Variants in ACIN1 observed in about 807,000 individuals in gnomAD.
ACIN1 encodes apoptotic chromatin condensation inducer 1, also known as apoptotic chromatin condensation inducer in the nucleus.
ACIN1 carries 16 observed loss-of-function variants against 146.6 expected under a neutral mutation model. The ratio of observed to expected loss-of-function variants is 0.11; its 90% CI spans 0.07 to 0.17. The LOEUF is 0.17. Ranked by LOEUF, ACIN1 falls within the 10% of genes least tolerant of loss-of-function variation. The pLI is 1.00. For missense variants in ACIN1, 1,357 were observed against 1,609.3 expected (o/e 0.84, Z 2.68); for synonymous variants, 569 against 582.7 (o/e 0.98, Z 0.34).
chr14:23,094,835 C>G (rs962542836), intron 1 of ACIN1, 140 bp downstream of exon 1: 121 of 1,269,316 alleles, frequency 9.5e-5, no homozygotes, highest in Non-Finnish European at 1.2e-4. Context: ...CATCAACCAC[C>G]GTGCGCGCGG....
Position 23,081,890 on chromosome 14 carries a change from G to A in ACIN1, c.437-54C>T, listed in dbSNP as rs1206143684. 4 of 1,434,720 alleles carry A rather than the reference G, an allele frequency of 2.8e-6. No individual in the cohort carries two copies. In the Admixed American group the frequency reaches 7.8e-5, roughly 28 times the overall value. 88.9% of individuals were successfully genotyped at this position (1,434,720 alleles called of 1,614,324 possible). ...TTCATGAAGTGAAGACTCATTCATGGCTTTTTAAAAATCAGGCTTTCTAAT... is the reference window on the plus strand; with the variant it reads ...TTCATGAAGTGAAGACTCATTCATGACTTTTTAAAAATCAGGCTTTCTAAT... On this transcript the variant is annotated intron_variant, in intron 4 of 18. Coordinates refer to ENST00000605057, the MANE Select transcript of ACIN1 (RefSeq NM_001386863.1).
intron 8 of ACIN1, chr14:23,077,726 T>C (rs1223215917): frequency 6.4e-6 from 1 of 156,342 alleles, no homozygotes; most frequent in African/African-American, 2.4e-5. Flanking sequence ...ACTAGGGAAC[T>C]AGGGAAAATG....
intron 4 of ACIN1, among the ~76,000 whole-genome samples, chr14:23,082,346 C>T (rs983464545): frequency 3.3e-5 from 5 of 151,810 alleles, no homozygotes; most frequent in East Asian, 1.9e-4. Flanking sequence ...TGTTTTTCAG[C>T]GCCCTAAAGT....
intron 13 of ACIN1, 179 bp from the exon 14 acceptor site, chr14:23,063,253 T>C (rs915888372): frequency 3.4e-5 from 38 of 1,107,020 alleles, no homozygotes; most frequent in Non-Finnish European, 4.6e-5. Context: ...ATCATGGAGA[T>C]TCAAAGATTA....
intron 8 of ACIN1, among the ~76,000 whole-genome samples, chr14:23,075,858 T>C (rs1404628927): frequency 6.6e-6 from 1 of 152,096 alleles, no homozygotes; most frequent in African/African-American, 2.4e-5. Context: ...GTGCACACCA[T>C]GCCCGGCTAA....
rs536142307 is a variant in ACIN1, at chr14:23,059,171, G to T, written c.3829C>A (p.Arg1277=). Residue 1277 remains arginine (R), a synonymous_variant, in exon 19 of 19, where the codon CGG becomes AGG. Transcript: ENST00000605057. The part of the protein sequence containing the change: ...SRSRSRSTPV[R]DRGGRR The stretch of plus-strand genomic sequence containing the variant: ...AGCTAGCGGCGCCCACCCCGGTCCC[G>T]CACAGGTGTGCTCCGACTCCGGCTT... 7.4e-6 allele frequency: 12 copies of T among 1,613,922 alleles called. No homozygotes were observed. The highest frequency in any genetic ancestry group is 1.3e-5 in the African/African-American group (1 of 74,954).
At chr14:23,071,866 G>C (rs2047667295) in intron 8 of ACIN1, among the ~76,000 whole-genome samples, 1 of 152,170 alleles carries the variant, frequency 6.6e-6, no homozygotes, top group Non-Finnish European at 1.5e-5. Context: ...GAGAATAGAA[G>C]GCAGGCAAAC....
Position 23,059,067 on chromosome 14 carries a change from G to A in ACIN1, c.*81C>T, listed in dbSNP as rs2047182668. On this transcript the variant is annotated 3_prime_UTR_variant, in exon 19 of 19. Coordinates refer to ENST00000605057, the MANE Select transcript of ACIN1 (RefSeq NM_001386863.1). ...GTGAAAGACCCTTGGCTCCAGGGTG[G>A]TGGAGACTGTGCCTATCCCTCTGTG... is the stretch of plus-strand genomic sequence containing the variant. 2 of 1,364,138 alleles carry A rather than the reference G, an allele frequency of 1.5e-6. No individual in the cohort carries two copies. Among genetic ancestry groups the A allele is most frequent in the East Asian group, 2.3e-5 (1 of 43,520 alleles). The allele number at this position is 1,364,138 out of a possible 1,614,324, so 84.5% of individuals were successfully genotyped here.
At chr14:23,059,852 C>T (rs989554763) in intron 18 of ACIN1, among the ~76,000 whole-genome samples, 1 of 146,722 alleles carries the variant, frequency 6.8e-6, no homozygotes, top group Non-Finnish European at 1.5e-5. Context: ...GACGGGGCTT[C>T]ACCGTTGTTA....
intron 8 of ACIN1, among the ~76,000 whole-genome samples, chr14:23,075,235 T>C (rs189916071): frequency 1.4e-4 from 21 of 152,214 alleles, no homozygotes; most frequent in African/African-American, 5.1e-4. Context: ...TACAGGAAGG[T>C]TGTATCTAGA....
Position 23,080,053 on chromosome 14 carries a change from T to C in ACIN1, c.1282A>G (p.Thr428Ala). ...GLSPLSSPSD[T>A]KAESPAEKVP... ...TTCTCTGCTGGAGATTCTGCTTTGGTGTCTGAAGGACTTGACAAAGGAGAC... is the reference window on the plus strand; with the variant it reads ...TTCTCTGCTGGAGATTCTGCTTTGGCGTCTGAAGGACTTGACAAAGGAGAC... The change falls in exon 6 of 19, where the codon ACC (threonine) becomes GCC (alanine). Residue 428 changes from threonine to alanine, a missense_variant. Physicochemically the swap from Thr to Ala is moderately conservative, Grantham distance 58. This residue lies in a region of ACIN1 where 771 missense variants were observed against 746.6 expected (regional missense o/e 1.03). Transcript: ENST00000605057. The C allele has an allele frequency of 1.2e-6, 2 of 1,614,188 alleles. No individual in the cohort carries two copies. The highest frequency in any genetic ancestry group is 1.7e-6 in the Non-Finnish European group (2 of 1,180,044).
chr14:23,068,162 C>T lies in ACIN1; in HGVS notation c.2265+1314G>A, dbSNP rs2047516236. ...CCCCAGGGGCTCAGACCCTAGACTC[C>T]TCTGCACGGTTCCTAGTCGTCACAG... On this transcript the variant is annotated intron_variant, in intron 9 of 18. Transcript: ENST00000605057. The surrounding 1 kb of genome is among the most constrained non-coding windows in gnomAD (Gnocchi z 4.3). 1.0e-6 allele frequency: 1 copy of T among 985,824 alleles called. No individual in the cohort carries two copies. The highest frequency in any genetic ancestry group is 6.1e-5 in the Admixed American group (1 of 16,274). 61.1% of individuals were successfully genotyped at this position (985,824 alleles called of 1,614,324 possible).
intron 6 of ACIN1, 37 bp from the exon 7 acceptor site, chr14:23,079,075 T>G (rs750930242): frequency 1.9e-6 from 3 of 1,583,570 alleles, no homozygotes; most frequent in Non-Finnish European, 2.6e-6. Context: ...GGAAAATTAT[T>G]GTATATGGTA....
At chr14:23,076,372 C>G (rs2047802449) in intron 8 of ACIN1, 1 of 152,172 alleles carries the variant, frequency 6.6e-6, no homozygotes, top group South Asian at 2.1e-4. Context: ...AATGGACAAT[C>G]TAAGTATTTG....
intron 4 of ACIN1, among the ~76,000 whole-genome samples, chr14:23,086,180 G>A (rs963346073): frequency 2.0e-5 from 3 of 152,222 alleles, no homozygotes; most frequent in Non-Finnish European, 4.4e-5. Context: ...ACTCATGTTA[G>A]ACCTGTAAGT....
chr14:23,064,615 G>A, intron 10 of ACIN1, 127 bp from the exon 11 acceptor site: 1 of 1,354,440 alleles, frequency 7.4e-7, no homozygotes, highest in Non-Finnish European at 1.0e-6. Flanking sequence ...ATCATATTTG[G>A]AGGCTGAGTG....
At chr14:23,065,196 A>G (rs1303405171) in intron 10 of ACIN1, among the ~76,000 whole-genome samples, 1 of 152,244 alleles carries the variant, frequency 6.6e-6, no homozygotes, top group Admixed American at 6.5e-5. Context: ...CATCTATTAT[A>G]CTTTTGTAAT....
chr14:23,063,121 G>C (rs755965448), intron 13 of ACIN1, 47 bp from the exon 14 acceptor site: 3 of 1,542,370 alleles, frequency 1.9e-6, no homozygotes, highest in East Asian at 2.3e-5. Context: ...AGCAATACTG[G>C]CTCTTTTCAC....
intron 4 of ACIN1, among the ~76,000 whole-genome samples, chr14:23,088,911 T>C (rs1395167401): frequency 6.6e-6 from 1 of 152,210 alleles, no homozygotes; most frequent in East Asian, 1.9e-4. Context: ...TTTGGGTCTT[T>C]GGATTAGGCA....
Sources: allele counts gnomAD v4.1 joint callset (sites outside exome capture counted in the v4.1 genomes callset), GRCh38; gene constraint gnomAD v4.1.1; regional missense constraint gnomAD v4.1.1; non-coding constraint Gnocchi (gnomAD v3.1); transcripts MANE v1.5; gene names NCBI Gene and HGNC (gene_info 2026-07-23, HGNC 2026-07-21).